Variants in XPO5 observed in about 807,000 individuals in gnomAD.
The protein encoded by XPO5 is exportin 5.
A neutral mutation model predicts 160.6 loss-of-function variants in XPO5; 46 were observed. That is an observed-to-expected ratio of 0.29 (90% CI 0.23 to 0.37). XPO5 has a LOEUF of 0.37. XPO5 is among the 10% of genes least tolerant of loss of function. The probability of loss-of-function intolerance (pLI) is 1.00; values close to 1 mark genes in which losing one functional copy is unlikely to be tolerated. For missense variants in XPO5, 1,090 were observed against 1,463.9 expected (o/e 0.74, Z 4.17); for synonymous variants, 537 against 519.3 (o/e 1.03, Z -0.46).
intron 22 of XPO5, 67 bp from the exon 23 acceptor site, chr6:43,530,891 C>G: frequency 6.6e-7 from 1 of 1,516,442 alleles, no homozygotes; most frequent in Non-Finnish European, 8.8e-7. Context: ...AGCCCTGTCC[C>G]ATGAATTTCA....
At position 43,529,553 on chromosome 6, in the gene XPO5, CAAA is replaced by C. The variant is rs1186641934; in HGVS notation, c.2678-631_2678-629del. On this transcript the variant is annotated intron_variant, in intron 23 of 31. Transcript: ENST00000265351. ...TGGGCAACAGAGCAAGACTCCGTCT[CAAA>C]AAAAAAAAAAAAGAAAAGAAAGAAA... 92 of 101,700 alleles carry C rather than the reference CAAA, an allele frequency of 9.0e-4. 1 individual carries two copies. The highest frequency in any genetic ancestry group is 5.3e-3 in the East Asian group (17 of 3,190). The allele number at this position is 101,700 out of a possible 1,614,324, so 6.3% of individuals were successfully genotyped here.
chr6:43,523,995 C>T lies in XPO5; in HGVS notation c.3488G>A (p.Gly1163Glu), dbSNP rs1793368807. The T allele has an allele frequency of 6.2e-7, 1 of 1,612,964 alleles. No homozygotes were observed. The highest frequency in any genetic ancestry group is 1.3e-5 in the African/African-American group (1 of 74,928). Residue 1163 changes from glycine (G) to glutamate (E), a missense_variant, in exon 32 of 32, where the codon GGA becomes GAA. Gly to Glu is a moderately conservative substitution (Grantham distance 98). Transcript: ENST00000265351. ...GTGAACTTCTTTTCGGAACTGCTCT[C>T]CCAAGGGTTTCTGTGGAAAACAAAT... Reference protein sequence around the residue: ...LIAGCIGKPLGEQFRKEVHIK... With the variant: ...LIAGCIGKPLEEQFRKEVHIK...
In XPO5 at chr6:43,573,545, C is replaced by T; in HGVS notation, c.162G>A (p.Leu54=). The part of the protein sequence containing the change: ...CPICVPCGLR[L]AEKTQVAIVR... ...CGATGGCAACTTGTGTTTTCTCAGC[C>T]AACCTCAAGCCACAGGGGACACAGA... Residue 54 remains leucine, a synonymous_variant, in exon 2 of 32, where the codon TTG becomes TTA. Coordinates refer to ENST00000265351, the MANE Select transcript of XPO5 (RefSeq NM_020750.3). The T allele has an allele frequency of 1.9e-6, 3 of 1,613,768 alleles. No homozygotes were observed.
At chr6:43,527,821 C>T (rs1411733435) in intron 25 of XPO5, 90 bp from the exon 26 acceptor site, 4 of 1,361,586 alleles carry the variant, frequency 2.9e-6, no homozygotes, top group East Asian at 2.3e-5. Context: ...TCTCTGACCA[C>T]TTTCTTCTCC....
At chr6:43,533,273 G>A (rs929432175) in intron 21 of XPO5, 1 of 145,342 alleles carries the variant, frequency 6.9e-6, no homozygotes, top group Admixed American at 6.9e-5. Context: ...CGAGGAGGCA[G>A]GAAAGTATAC....
At chr6:43,560,128 T>C in intron 11 of XPO5, 50 bp downstream of exon 11, 4 of 1,590,810 alleles carry the variant, frequency 2.5e-6, no homozygotes, top group Non-Finnish European at 3.4e-6. Flanking sequence ...CTCAAAGTCT[T>C]ATTATGTGTA....
chr6:43,563,599 T>C (rs1449336465), intron 8 of XPO5, among the ~76,000 whole-genome samples: 1 of 152,196 alleles, frequency 6.6e-6, no homozygotes, highest in African/African-American at 2.4e-5. Context: ...ACAACAGGAA[T>C]AGCCTATTAC....
intron 13 of XPO5, 137 bp from the exon 14 acceptor site, chr6:43,553,640 A>C (rs745506420): frequency 4.7e-5 from 67 of 1,415,704 alleles, no homozygotes; most frequent in Non-Finnish European, 6.0e-5. Context: ...GAGCAGGGTA[A>C]TCTAACCCCT....
At chr6:43,527,814 C>G in intron 25 of XPO5, 83 bp from the exon 26 acceptor site, 2 of 1,452,626 alleles carry the variant, frequency 1.4e-6, no homozygotes, top group East Asian at 4.6e-5. Flanking sequence ...CAGACTCTCT[C>G]TGACCACTTT....
chr6:43,538,737 C>A (rs1230989990), intron 20 of XPO5: 1 of 510,982 alleles, frequency 2.0e-6, no homozygotes, highest in South Asian at 3.6e-5. Flanking sequence ...AATAAATAAG[C>A]CTCATAAAAT....
chr6:43,536,383 C>CACAACACAGTGGCACAACCTGCGCAACA (rs1427640896), intron 20 of XPO5, among the ~76,000 whole-genome samples: 1 of 151,840 alleles, frequency 6.6e-6, no homozygotes, highest in Non-Finnish European at 1.5e-5. Context: ...CCACTGCACT[C>CACAACACAGTGGCACAACCTGCGCAACA]CAGCCTGCGC....
chr6:43,575,728 G>C, intron 1 of XPO5, 32 bp downstream of exon 1: 1 of 1,585,030 alleles, frequency 6.3e-7, no homozygotes, highest in South Asian at 1.1e-5. Flanking sequence ...GAGGGTGTCG[G>C]GACCGGCCCA....
Position 43,555,923 on chromosome 6 carries a change from G to A in XPO5, c.1354C>T (p.Arg452Cys). The part of the protein sequence containing the change: ...QQGEVMRLAC[R>C]LDPKTSFQMA... ...TGGAAGCTAGTTTTGGGATCCAAAC[G>A]ACATGCCAACCTCATCACCTCTCCT... Residue 452 changes from arginine (R) to cysteine (C), a missense_variant, in exon 13 of 32, where the codon CGT (arginine) becomes TGT (cysteine). Transcript: ENST00000265351. The A allele has an allele frequency of 1.4e-5, 22 of 1,613,936 alleles. No homozygotes were observed. The highest frequency in any genetic ancestry group is 2.2e-5 in the South Asian group (2 of 91,076).
intron 26 of XPO5, 113 bp downstream of exon 26, chr6:43,527,521 C>T: frequency 1.9e-6 from 2 of 1,037,750 alleles, no homozygotes; most frequent in African/African-American, 1.6e-5. Flanking sequence ...ATCCACCATG[C>T]CCGCCGCAAA....
rs114385492 is a variant in XPO5, at chr6:43,537,416, G to A, written c.2343-3409C>T. ...CTGCTAAAAAACTGAACTGGTATGA[G>A]GTCAGTTTTCTAGACCAGAGGTCAC... On this transcript the variant is annotated intron_variant, in intron 20 of 31. Transcript: ENST00000265351. 9.5e-3 allele frequency among the ~76,000 whole-genome samples: 1,445 copies of A among 152,238 alleles called. 19 individuals are homozygous for A. The highest frequency in any genetic ancestry group is 0.033 in the African/African-American group (1,384 of 41,528).
In XPO5 at chr6:43,528,917, C is replaced by CAAAG; in HGVS notation, c.2682_2685dup (p.Val896LeufsTer15). Reference sequence around the variant, plus strand: ...GGACAGAAGAGCACCAGAGGCTTTACAAAGACACGTGCTGCAACAAGTTAA... The same window carrying CAAAG: ...GGACAGAAGAGCACCAGAGGCTTTACAAAGAAAGACACGTGCTGCAACAAGTTAA... On this transcript the variant is annotated frameshift_variant, in exon 24 of 32. Coordinates refer to ENST00000265351, the MANE Select transcript of XPO5 (RefSeq NM_020750.3). LOFTEE classifies it high-confidence loss of function. 6.2e-7 allele frequency: 1 copy of CAAAG among 1,612,538 alleles called. No homozygotes were observed. Among genetic ancestry groups the CAAAG allele is most frequent in the Non-Finnish European group, 8.5e-7 (1 of 1,179,580 alleles).
In XPO5 at chr6:43,522,940, G is replaced by T; in HGVS notation, c.*928C>A. On this transcript the variant is annotated 3_prime_UTR_variant, in exon 32 of 32. Transcript: ENST00000265351. ...CTTTTGGAAATGGCCTTTGAGAAAA[G>T]TAACCAGGGACCTGAAAGACCATGA... 5.9e-6 allele frequency: 1 copy of T among 168,450 alleles called. No homozygotes were observed. The highest frequency in any genetic ancestry group is 6.2e-5 in the Admixed American group (1 of 16,110). The allele number at this position is 168,450 out of a possible 1,614,324, so 10.4% of individuals were successfully genotyped here.
At chr6:43,575,671 GGA>G in intron 1 of XPO5, 87 bp downstream of exon 1, 1 of 1,219,190 alleles carries the variant, frequency 8.2e-7, no homozygotes, top group South Asian at 1.3e-5. Context: ...CGCGTGGGCG[GGA>G]GACTACCCCA....
At chr6:43,564,923 T>TC (rs1460387369) in intron 8 of XPO5, among the ~76,000 whole-genome samples, 1 of 146,094 alleles carries the variant, frequency 6.8e-6, no homozygotes, top group Non-Finnish European at 1.5e-5. Flanking sequence ...TCATTTTCTC[T>TC]CTTTTTTTTT....
Sources: gnomAD v4.1 joint callset for allele counts (sites outside exome capture counted in the v4.1 genomes callset) on GRCh38, gnomAD v4.1.1 for gene constraint, MANE v1.5 for transcripts, NCBI Gene and HGNC (gene_info 2026-07-23, HGNC 2026-07-21) for gene names.